The following ASXL1 variants were observed in gnomAD, a reference collection of about 807,000 sequenced individuals.
ASXL1 encodes the protein polycomb group protein ASXL1.
ASXL1 carries 65 observed loss-of-function variants against 89.1 expected under a neutral mutation model. The ratio of observed to expected loss-of-function variants is 0.73; its 90% CI spans 0.60 to 0.90. The LOEUF is 0.90. ASXL1 is among the 40% of genes least tolerant of loss of function. The probability of loss-of-function intolerance (pLI) is 0.00; values close to 1 mark genes in which losing one functional copy is unlikely to be tolerated. For synonymous variants in ASXL1, 739 were observed against 746.9 expected, an observed-to-expected ratio of 0.99 and a Z score of 0.17; for missense variants, 1,786 against 1,942.9, an observed-to-expected ratio of 0.92 and a Z score of 1.52.
chr20:32,428,441 C>T lies in ASXL1; in HGVS notation c.471+19C>T. 6.3e-7 allele frequency: 1 copy of T among 1,589,148 alleles called. No homozygotes were observed. Among genetic ancestry groups the T allele is most frequent in the Non-Finnish European group, 8.6e-7 (1 of 1,157,900 alleles). ...CTCACAGGTAAGGAAGAGGTAGAGC[C>T]TAGCCTGGGAGGATGAATGATGACA... On this transcript the variant is annotated intron_variant, in intron 6 of 12. Coordinates refer to ENST00000375687, the MANE Select transcript of ASXL1 (RefSeq NM_015338.6).
intron 2 of ASXL1, 27 bp downstream of exon 2, chr20:32,366,493 T>C: frequency 6.2e-7 from 1 of 1,612,750 alleles, no homozygotes; most frequent in Non-Finnish European, 8.5e-7. Context: ...TTGCTTAACA[T>C]GAGGGTTTCA....
At chr20:32,372,141 A>G (rs2048309565) in intron 4 of ASXL1, 1 of 1,346,696 alleles carries the variant, frequency 7.4e-7, no homozygotes, top group Non-Finnish European at 9.9e-7. Flanking sequence ...ACTGAATTAT[A>G]TTTCTTCATC....
intron 4 of ASXL1, among the ~76,000 whole-genome samples, chr20:32,420,121 A>G (rs2049216164): frequency 1.3e-5 from 2 of 151,428 alleles, no homozygotes; most frequent in African/African-American, 4.9e-5. Context: ...TGGATCTTTA[A>G]TGTAAATAAT....
At chr20:32,399,477 A>G (rs2048830908) in intron 4 of ASXL1, among the ~76,000 whole-genome samples, 1 of 141,318 alleles carries the variant, frequency 7.1e-6, no homozygotes, top group African/African-American at 2.6e-5. Context: ...ATGTCGGTTT[A>G]TAGCTTTCTT....
chr20:32,411,557 T>TAAA (rs71336576), intron 4 of ASXL1, among the ~76,000 whole-genome samples: 6 of 133,540 alleles, frequency 4.5e-5, no homozygotes, highest in Non-Finnish European at 9.3e-5. Flanking sequence ...TTTTTTTTTT[T>TAAA]AAAATATGAA....
At chr20:32,390,552 A>C (rs1412966576) in intron 4 of ASXL1, among the ~76,000 whole-genome samples, 1 of 152,096 alleles carries the variant, frequency 6.6e-6, no homozygotes, top group Non-Finnish European at 1.5e-5. Context: ...AGCTCACTGC[A>C]GCCTCAAACT....
At chr20:32,364,733 A>G (rs1284307676) in intron 1 of ASXL1, among the ~76,000 whole-genome samples, 1 of 152,208 alleles carries the variant, frequency 6.6e-6, no homozygotes, top group Admixed American at 6.5e-5. Context: ...TGATGAGGGC[A>G]GGTTTGCTTT....
At chr20:32,415,444 C>A (rs931573990) in intron 4 of ASXL1, among the ~76,000 whole-genome samples, 1 of 152,154 alleles carries the variant, frequency 6.6e-6, no homozygotes, top group African/African-American at 2.4e-5. Context: ...AATCTGTTTT[C>A]CTCTGGAGTG....
chr20:32,436,726 G>A lies in ASXL1; in HGVS notation c.4014G>A (p.Leu1338=), dbSNP rs2145391017. ...EIPPVFPSGK[L]GPSTNSMSGG... is the part of the protein sequence containing the mutation. The stretch of plus-strand genomic sequence containing the variant: ...CTCCAGTTTTTCCCAGTGGGAAGTT[G>A]GGACCAAGCACAAACTCCATGTCTG... Residue 1338 remains leucine (L), a synonymous_variant, in exon 13 of 13, where the codon TTG becomes TTA. Transcript: ENST00000375687. 2.5e-6 allele frequency: 4 copies of A among 1,614,054 alleles called. No individual in the cohort carries two copies. The highest frequency in any genetic ancestry group is 3.4e-6 in the Non-Finnish European group (4 of 1,180,024).
At chr20:32,398,766 C>G (rs1334173713) in intron 4 of ASXL1, among the ~76,000 whole-genome samples, 1 of 151,412 alleles carries the variant, frequency 6.6e-6, no homozygotes, top group Non-Finnish European at 1.5e-5. Flanking sequence ...CCCGCCACTA[C>G]GCCCGGCTCA....
chr20:32,430,157 C>A, intron 8 of ASXL1, 104 bp downstream of exon 8: 1 of 1,403,904 alleles, frequency 7.1e-7, no homozygotes, highest in Non-Finnish European at 9.4e-7. Flanking sequence ...TTTATTTTTA[C>A]TTCTTGGGTG....
chr20:32,421,194 C>T (rs1305238013), intron 4 of ASXL1, among the ~76,000 whole-genome samples: 3 of 150,904 alleles, frequency 2.0e-5, no homozygotes, highest in Non-Finnish European at 4.4e-5. Context: ...ATGTAACAAA[C>T]CTGCACATTC....
At chr20:32,405,349 A>T (rs1488897241) in intron 4 of ASXL1, among the ~76,000 whole-genome samples, 2 of 152,054 alleles carry the variant, frequency 1.3e-5, no homozygotes, top group Non-Finnish European at 2.9e-5. Flanking sequence ...AAGTGTTGGG[A>T]TTATAGGCAT....
intron 1 of ASXL1, among the ~76,000 whole-genome samples, chr20:32,363,310 G>A (rs2048152606): frequency 6.6e-6 from 1 of 152,016 alleles, no homozygotes; most frequent in South Asian, 2.1e-4. Context: ...CATTTAATTA[G>A]TATCAAAGAA....
At chr20:32,377,726 C>T (rs1356619400) in intron 4 of ASXL1, among the ~76,000 whole-genome samples, 1 of 151,166 alleles carries the variant, frequency 6.6e-6, no homozygotes, top group Non-Finnish European at 1.5e-5. Flanking sequence ...GGTCTTGGCT[C>T]ACTGCAACCT....
chr20:32,423,548 T>TATTC (rs1350496917), intron 4 of ASXL1, among the ~76,000 whole-genome samples: 3 of 151,332 alleles, frequency 2.0e-5, no homozygotes, highest in Non-Finnish European at 2.9e-5. Flanking sequence ...ATTTTTTATT[T>TATTC]ATTTATTTAT....
At chr20:32,358,860 G>T in intron 1 of ASXL1, 28 bp downstream of exon 1, 1 of 1,494,112 alleles carries the variant, frequency 6.7e-7, no homozygotes, top group Non-Finnish European at 8.9e-7. Context: ...GGGGGGCTCC[G>T]TGGGGCCCGG....
chr20:32,388,372 C>T (rs1177258504), intron 4 of ASXL1, among the ~76,000 whole-genome samples: 1 of 152,070 alleles, frequency 6.6e-6, no homozygotes, highest in Non-Finnish European at 1.5e-5. Context: ...GATGGAGTTT[C>T]ACCATGTTGG....
At chr20:32,393,138 T>C (rs1569274214) in intron 4 of ASXL1, among the ~76,000 whole-genome samples, 4 of 152,340 alleles carry the variant, frequency 2.6e-5, no homozygotes, top group East Asian at 1.9e-4. Flanking sequence ...CTATCAATTA[T>C]AGAGAGAGGT....
Sources: allele counts gnomAD v4.1 joint callset (sites outside exome capture counted in the v4.1 genomes callset), GRCh38; gene constraint gnomAD v4.1.1; transcripts MANE v1.5; gene names NCBI Gene and HGNC (gene_info 2026-07-23, HGNC 2026-07-21).